DPP6: variants seen among roughly 807,000 people sequenced by gnomAD.
DPP6 encodes A-type potassium channel modulatory protein DPP6.
Under a neutral mutation model 122.6 loss-of-function variants are expected in DPP6, and 69 were observed. The observed-to-expected ratio is 0.56, with a 90% confidence interval of 0.46 to 0.69. The LOEUF (loss-of-function observed/expected upper bound fraction) is 0.69, where lower values mean the gene tolerates loss of function less well. Among genes scored for constraint, DPP6 ranks in the 30% least tolerant of loss-of-function variants. The probability of loss-of-function intolerance (pLI) is 0.00; values close to 1 mark genes in which losing one functional copy is unlikely to be tolerated. For synonymous variants in DPP6, 418 were observed against 433.1 expected, an observed-to-expected ratio of 0.97 and a Z score of 0.43; for missense variants, 928 against 1,116.9, an observed-to-expected ratio of 0.83 and a Z score of 2.41.
chr7:153,763,426 A>G, the DPP6 span, among the ~76,000 whole-genome samples: 1 of 150,650 alleles, frequency 6.6e-6, no homozygotes, highest in Non-Finnish European at 1.5e-5. Context: ...TTATTTTCTA[A>G]GTAGAAGTGG....
chr7:154,804,790 G>C, intron 14 of DPP6, 127 bp from the exon 15 acceptor site: 1 of 1,330,322 alleles, frequency 7.5e-7, no homozygotes, highest in Non-Finnish European at 1.1e-6. Context: ...ACCTGAACAG[G>C]GGAGCTACTC....
At chr7:154,205,582 C>T (rs1266043986) in intron 1 of DPP6, among the ~76,000 whole-genome samples, 1 of 152,102 alleles carries the variant, frequency 6.6e-6, no homozygotes, top group South Asian at 2.1e-4. Context: ...TGAACAGTTC[C>T]CTTCTTTGAG....
At chr7:154,832,145 G>A (rs533579943) in intron 16 of DPP6, among the ~76,000 whole-genome samples, 31 of 152,244 alleles carry the variant, frequency 2.0e-4, no homozygotes, top group South Asian at 4.1e-4. Context: ...TCCCTCATGC[G>A]TTCGGCTCAG....
At chr7:154,067,611 C>CT (rs368862553) in intron 1 of DPP6, among the ~76,000 whole-genome samples, 456 of 152,126 alleles carry the variant, frequency 3.0e-3, no homozygotes, top group African/African-American at 0.011. Context: ...CCTCAGATGA[C>CT]TTTTTTTAAG....
chr7:154,063,651 C>G (rs1265989170), intron 1 of DPP6, among the ~76,000 whole-genome samples: 69 of 140,908 alleles, frequency 4.9e-4, no homozygotes, highest in African/African-American at 1.9e-3. Context: ...TCCCTCTTCC[C>G]CCTCTGGCGC....
intron 1 of DPP6, among the ~76,000 whole-genome samples, chr7:154,383,952 T>C (rs1047100699): frequency 6.6e-6 from 1 of 151,456 alleles, no homozygotes; most frequent in Non-Finnish European, 1.5e-5. Context: ...CTTCGATTCA[T>C]GAAAGGATTC....
At chr7:154,592,579 G>T (rs184004675) in intron 5 of DPP6, among the ~76,000 whole-genome samples, 1 of 152,134 alleles carries the variant, frequency 6.6e-6, no homozygotes, top group Admixed American at 6.5e-5. Flanking sequence ...GGAAAGTGAC[G>T]TAAGGTAAAG....
chr7:154,483,822 G>C lies in DPP6; in HGVS notation c.457+8785G>C, dbSNP rs1031052686. On this transcript the variant is annotated intron_variant, in intron 3 of 25. Transcript: ENST00000377770. This position sits in a 1 kb window ranked among gnomAD's most constrained non-coding sequence, Gnocchi z 8.1. Reference sequence around the variant, plus strand: ...CGATTCTCCTGCCTCAGCCTCCCTAGTAGCTGGGATTACAGGTGCACACCA... The same window carrying C: ...CGATTCTCCTGCCTCAGCCTCCCTACTAGCTGGGATTACAGGTGCACACCA... Among the ~76,000 whole-genome samples, 2 of 152,162 alleles carry C rather than the reference G, an allele frequency of 1.3e-5. No homozygotes were observed. Among genetic ancestry groups the C allele is most frequent in the Non-Finnish European group, 2.9e-5 (2 of 68,024 alleles).
At chr7:153,846,779 G>A in the DPP6 span, among the ~76,000 whole-genome samples, 19 of 137,064 alleles carry the variant, frequency 1.4e-4, no homozygotes, top group Admixed American at 1.1e-3. Context: ...TGCAAGCTCC[G>A]CCTCCTGGGT....
At chr7:154,559,861 C>T (rs112570272) in intron 4 of DPP6, among the ~76,000 whole-genome samples, 3,805 of 150,906 alleles carry the variant, frequency 0.025, 63 homozygotes, top group African/African-American at 0.041. Flanking sequence ...GCTATGATCA[C>T]ACCACTGCAC....
chr7:154,125,900 G>C (rs1343341666), intron 1 of DPP6, among the ~76,000 whole-genome samples: 1 of 152,160 alleles, frequency 6.6e-6, no homozygotes, highest in East Asian at 1.9e-4. Flanking sequence ...CAGCTTTGTG[G>C]TACCTGATTA....
At chr7:154,329,193 A>G (rs931164895) in intron 1 of DPP6, among the ~76,000 whole-genome samples, 1 of 152,204 alleles carries the variant, frequency 6.6e-6, no homozygotes, top group African/African-American at 2.4e-5. Flanking sequence ...TATTTTATTC[A>G]TGATTTCAAC....
At chr7:154,292,941 T>C (rs753192276) in intron 1 of DPP6, among the ~76,000 whole-genome samples, 9 of 152,234 alleles carry the variant, frequency 5.9e-5, no homozygotes, top group Non-Finnish European at 1.3e-4. Flanking sequence ...ATTAAATTAA[T>C]TTCATAATAG....
chr7:153,818,949 A>G, the DPP6 span, among the ~76,000 whole-genome samples: 1 of 150,320 alleles, frequency 6.7e-6, no homozygotes, highest in Non-Finnish European at 1.5e-5. Flanking sequence ...ATGGGGTTTC[A>G]CCACGTTGGC....
chr7:153,858,653 T>C, the DPP6 span, among the ~76,000 whole-genome samples: 1 of 152,216 alleles, frequency 6.6e-6, no homozygotes, highest in East Asian at 1.9e-4. Context: ...TGTGAGCAAT[T>C]AAATCCACTG....
At chr7:153,843,293 C>A in the DPP6 span, among the ~76,000 whole-genome samples, 1 of 152,170 alleles carries the variant, frequency 6.6e-6, no homozygotes. Flanking sequence ...CACACACACA[C>A]ACACACTTCT....
At chr7:154,172,754 T>A (rs370571665) in intron 1 of DPP6, among the ~76,000 whole-genome samples, 3 of 151,900 alleles carry the variant, frequency 2.0e-5, no homozygotes, top group African/African-American at 7.3e-5. Context: ...GTGCCCACCA[T>A]ACGCTTGGCT....
At chr7:154,319,720 C>T (rs1055439064) in intron 1 of DPP6, among the ~76,000 whole-genome samples, 3 of 151,184 alleles carry the variant, frequency 2.0e-5, no homozygotes, top group African/African-American at 7.3e-5. Context: ...ATGCCGGGTG[C>T]AGTGGCTCAC....
At chr7:154,885,374 C>T (rs1013474728) in intron 21 of DPP6, 5 of 451,130 alleles carry the variant, frequency 1.1e-5, no homozygotes, top group East Asian at 4.3e-5. Flanking sequence ...TCCAATTCGC[C>T]GTTGCATTTC....
Sources: gnomAD v4.1 joint callset for allele counts (sites outside exome capture counted in the v4.1 genomes callset) on GRCh38, gnomAD v4.1.1 for gene constraint, Gnocchi (gnomAD v3.1) non-coding constraint, MANE v1.5 for transcripts, NCBI Gene and HGNC (gene_info 2026-07-23, HGNC 2026-07-21) for gene names.